The following TENM4 variants were observed in gnomAD, a reference collection of about 807,000 sequenced individuals.
TENM4 encodes teneurin transmembrane protein 4.
A neutral mutation model predicts 243.3 loss-of-function variants in TENM4; 82 were observed. That is an observed-to-expected ratio of 0.34 (90% CI 0.28 to 0.40). The LOEUF (loss-of-function observed/expected upper bound fraction) is 0.40, where lower values mean the gene tolerates loss of function less well. TENM4 is among the 10% of genes least tolerant of loss of function. The pLI is 1.00. For synonymous variants in TENM4, 1,412 were observed against 1,456.3 expected (o/e 0.97, Z 0.69); for missense variants, 3,138 against 3,673.3 (o/e 0.85, Z 3.77).
intron 5 of TENM4, among the ~76,000 whole-genome samples, chr11:79,068,907 G>C (rs11237707): frequency 0.49 from 74,036 of 151,992 alleles, 18,974 homozygotes; most frequent in Middle Eastern, 0.58. Flanking sequence ...TCTATGCTAG[G>C]GGGAGCTCAG....
chr11:78,836,061 A>T (rs984947657), intron 12 of TENM4, among the ~76,000 whole-genome samples: 3 of 152,226 alleles, frequency 2.0e-5, no homozygotes, highest in Admixed American at 2.0e-4. Flanking sequence ...CCAGTGAGAA[A>T]GCCTTTCAGG....
chr11:79,320,800 T>C (rs1472110029), intron 1 of TENM4, among the ~76,000 whole-genome samples: 1 of 152,230 alleles, frequency 6.6e-6, no homozygotes, highest in Non-Finnish European at 1.5e-5. Context: ...CTCCAGGCAC[T>C]GCTGAAATTC....
intron 1 of TENM4, among the ~76,000 whole-genome samples, chr11:79,347,568 A>AGAGG (rs1857345389): frequency 6.6e-6 from 1 of 152,070 alleles, no homozygotes. Flanking sequence ...CTTTGGTATT[A>AGAGG]CACTGTTTGC....
At chr11:79,051,060 A>T (rs1859779382) in intron 6 of TENM4, among the ~76,000 whole-genome samples, 1 of 152,204 alleles carries the variant, frequency 6.6e-6, no homozygotes, top group Non-Finnish European at 1.5e-5. Flanking sequence ...GAGCACTTCC[A>T]AATGAGAATG....
chr11:79,387,415 A>G (rs1361063436), intron 1 of TENM4, among the ~76,000 whole-genome samples: 31 of 152,230 alleles, frequency 2.0e-4, no homozygotes, highest in Non-Finnish European at 8.8e-5. Context: ...AAGTTTATAC[A>G]CACAAACTTG....
intron 6 of TENM4, among the ~76,000 whole-genome samples, chr11:79,025,446 G>C (rs1486021326): frequency 6.6e-6 from 1 of 152,182 alleles, no homozygotes; most frequent in Non-Finnish European, 1.5e-5. Flanking sequence ...CACTTCTGTA[G>C]GACAAGGATT....
chr11:78,799,062 C>T (rs1469247132), intron 15 of TENM4, among the ~76,000 whole-genome samples: 2 of 152,092 alleles, frequency 1.3e-5, no homozygotes, highest in African/African-American at 2.4e-5. Context: ...AATGTGTCAG[C>T]GTGGGAGCAG....
At chr11:78,995,827 T>C (rs982484084) in intron 6 of TENM4, among the ~76,000 whole-genome samples, 1 of 152,152 alleles carries the variant, frequency 6.6e-6, no homozygotes, top group African/African-American at 2.4e-5. Context: ...ACCATTTTAC[T>C]AGCTGAAACC....
intron 1 of TENM4, among the ~76,000 whole-genome samples, chr11:79,414,178 A>G (rs1858764127): frequency 6.6e-6 from 1 of 152,030 alleles, no homozygotes; most frequent in Non-Finnish European, 1.5e-5. Context: ...ACACACACAC[A>G]CACACGCACA....
At position 79,065,131 on chromosome 11, in the gene TENM4, T is replaced by C. The variant is rs568935261; in HGVS notation, c.224-124A>G. On this transcript the variant is annotated intron_variant, in intron 5 of 33. Coordinates refer to ENST00000278550, the MANE Select transcript of TENM4 (RefSeq NM_001098816.3). ...GTTCTTTGAACTTGCTGTGGCATTC[T>C]ATGCCCATGCCTTTGTTCAAGTGAT... is the stretch of plus-strand genomic sequence containing the variant. 40 of 1,377,988 alleles carry C rather than the reference T, an allele frequency of 2.9e-5. 1 individual carries two copies. In the Middle Eastern group the frequency reaches 7.4e-4, roughly 25 times the overall value. The allele number at this position is 1,377,988 out of a possible 1,614,324, so 85.4% of individuals were successfully genotyped here.
intron 2 of TENM4, among the ~76,000 whole-genome samples, chr11:79,258,558 C>T (rs756052343): frequency 1.3e-5 from 2 of 152,208 alleles, no homozygotes; most frequent in East Asian, 3.9e-4. Context: ...ACTTGTAATA[C>T]ACCAGTTTCC....
At chr11:79,424,436 TACAAA>T (rs765937760) in intron 1 of TENM4, among the ~76,000 whole-genome samples, 1 of 152,118 alleles carries the variant, frequency 6.6e-6, no homozygotes, top group Non-Finnish European at 1.5e-5. Context: ...ACCTAGTCTC[TACAAA>T]ACAAAACAAA....
intron 4 of TENM4, among the ~76,000 whole-genome samples, chr11:79,118,435 G>A (rs140489784): frequency 6.6e-6 from 1 of 152,140 alleles, no homozygotes; most frequent in Non-Finnish European, 1.5e-5. Context: ...CCCTTTTCAA[G>A]TCTATACTTC....
chr11:79,275,248 TGTGC>T (rs764658084), intron 2 of TENM4, among the ~76,000 whole-genome samples: 87 of 151,808 alleles, frequency 5.7e-4, no homozygotes, highest in Non-Finnish European at 1.0e-3. Context: ...TGTGTCTGTG[TGTGC>T]GCGCGCATGC....
chr11:79,001,149 G>C (rs573308831), intron 6 of TENM4, among the ~76,000 whole-genome samples: 1 of 152,320 alleles, frequency 6.6e-6, no homozygotes, highest in East Asian at 1.9e-4. Flanking sequence ...AAGATCCAAT[G>C]ATATATTGTC....
At chr11:78,839,531 T>G (rs1253627673) in intron 12 of TENM4, among the ~76,000 whole-genome samples, 1 of 152,158 alleles carries the variant, frequency 6.6e-6, no homozygotes, top group Non-Finnish European at 1.5e-5. Context: ...TTAAGTAAAA[T>G]AGTTTTTCAG....
chr11:78,950,039 T>C (rs2136487435), intron 6 of TENM4, among the ~76,000 whole-genome samples: 1 of 152,090 alleles, frequency 6.6e-6, no homozygotes, highest in African/African-American at 2.4e-5. Flanking sequence ...AGCAGAGGCC[T>C]CCTGTGTTCT....
chr11:78,954,312 T>C (rs1857165253), intron 6 of TENM4, among the ~76,000 whole-genome samples: 1 of 152,170 alleles, frequency 6.6e-6, no homozygotes, highest in Admixed American at 6.5e-5. Flanking sequence ...ATTCTCAAGG[T>C]GAGCAGGCTG....
At chr11:79,281,891 C>T (rs533036395) in intron 2 of TENM4, among the ~76,000 whole-genome samples, 13 of 152,330 alleles carry the variant, frequency 8.5e-5, no homozygotes, top group Middle Eastern at 3.4e-3. Context: ...AGCGCTGTAC[C>T]TTTGAGCCCT....
Sources: gnomAD v4.1 joint callset for allele counts (sites outside exome capture counted in the v4.1 genomes callset) on GRCh38, gnomAD v4.1.1 for gene constraint, MANE v1.5 for transcripts, NCBI Gene and HGNC (gene_info 2026-07-23, HGNC 2026-07-21) for gene names.